The following FRMD3 variants were observed in gnomAD, a reference collection of about 807,000 sequenced individuals.
The protein encoded by FRMD3 is FERM domain containing 3, also known as FERM domain-containing protein 3.
A neutral mutation model predicts 70.2 loss-of-function variants in FRMD3; 33 were observed. The observed-to-expected ratio is 0.47, with a 90% confidence interval of 0.36 to 0.63. The LOEUF (loss-of-function observed/expected upper bound fraction) is 0.63. Ranked by LOEUF, FRMD3 falls within the 20% of genes least tolerant of loss-of-function variation. The pLI is 0.00. For synonymous variants in FRMD3, 279 were observed against 255.9 expected (o/e 1.09, Z -0.86); for missense variants, 632 against 711.4 (o/e 0.89, Z 1.27).
chr9:83,432,224 A>C (rs114102509), intron 1 of FRMD3, among the ~76,000 whole-genome samples: 1,823 of 152,304 alleles, frequency 0.012, 49 homozygotes, highest in African/African-American at 0.042. Flanking sequence ...GTATGATGAC[A>C]GGGAAGGATG....
chr9:83,413,918 T>C (rs1826350553), intron 1 of FRMD3, among the ~76,000 whole-genome samples: 2 of 152,208 alleles, frequency 1.3e-5, no homozygotes, highest in Non-Finnish European at 2.9e-5. Flanking sequence ...GTTATAAGAA[T>C]ACAAATAATT....
intron 2 of FRMD3, among the ~76,000 whole-genome samples, chr9:83,378,246 G>A (rs941395006): frequency 6.7e-6 from 1 of 149,764 alleles, no homozygotes; most frequent in African/African-American, 2.5e-5. Context: ...GAGTCTAACT[G>A]TGTCCTTCTT....
intron 1 of FRMD3, among the ~76,000 whole-genome samples, chr9:83,491,910 G>C (rs924486673): frequency 2.0e-5 from 3 of 152,228 alleles, no homozygotes; most frequent in Non-Finnish European, 2.9e-5. Flanking sequence ...AACAAGAAAT[G>C]AGAAGAGACA....
intron 6 of FRMD3, among the ~76,000 whole-genome samples, chr9:83,326,147 T>C (rs1836007125): frequency 6.6e-6 from 1 of 152,128 alleles, no homozygotes; most frequent in African/African-American, 2.4e-5. Context: ...AAAATGAAGG[T>C]GTTTCTGTAA....
intron 7 of FRMD3, 67 bp downstream of exon 7, chr9:83,313,593 C>A: frequency 1.6e-6 from 2 of 1,269,066 alleles, no homozygotes; most frequent in Non-Finnish European, 1.2e-6. Flanking sequence ...GCCAGGCCTG[C>A]GCACAGATAA....
Position 83,407,873 on chromosome 9 carries a change from CATCTT to C in FRMD3, c.148-18170_148-18166del, listed in dbSNP as rs373168583. Among the ~76,000 whole-genome samples, 400 of 91,686 alleles carry C rather than the reference CATCTT, an allele frequency of 4.4e-3. 6 individuals are homozygous for C. Among genetic ancestry groups the C allele is most frequent in the African/African-American group, 0.01 (162 of 15,988 alleles). 60.1% of individuals were successfully genotyped at this position (91,686 alleles called of 152,430 possible). A position where few individuals can be genotyped will look rare whatever the true frequency, so the allele number is the denominator to read the frequency against. On this transcript the variant is annotated intron_variant, in intron 1 of 13. Transcript: ENST00000304195. ...TCTCTCTCTCTCTCTCTCTCTCTCTCATCTTTCTCTCTCTCTCTCTCTCTCTCTCT... is the reference window on the plus strand; with the variant it reads ...TCTCTCTCTCTCTCTCTCTCTCTCTCTCTCTCTCTCTCTCTCTCTCTCTCT...
the FRMD3 span, among the ~76,000 whole-genome samples, chr9:83,577,751 A>T: frequency 6.6e-6 from 1 of 152,002 alleles, no homozygotes; most frequent in African/African-American, 2.4e-5. Context: ...AAGAAGAGAG[A>T]TCTCAAATAA....
the FRMD3 span, among the ~76,000 whole-genome samples, chr9:83,553,213 T>TGACC: frequency 1.3e-5 from 2 of 152,232 alleles, no homozygotes; most frequent in African/African-American, 4.8e-5. Flanking sequence ...AACGATCTTA[T>TGACC]TTTTCCTTCA....
chr9:83,243,214 G>C (rs1740098497), downstream of FRMD3: 1 of 1,550,234 alleles, frequency 6.5e-7, no homozygotes, highest in Admixed American at 2.0e-5. Context: ...ACTGCATGGA[G>C]ACTGGAAGCC....
chr9:83,256,525 C>A (rs898510943), intron 13 of FRMD3, among the ~76,000 whole-genome samples: 17 of 152,058 alleles, frequency 1.1e-4, no homozygotes, highest in African/African-American at 2.4e-5. Context: ...CAAATGGGAT[C>A]TAATTAAACT....
chr9:83,483,773 T>C (rs571819928), intron 1 of FRMD3, among the ~76,000 whole-genome samples: 7 of 152,168 alleles, frequency 4.6e-5, no homozygotes, highest in African/African-American at 1.7e-4. Context: ...GGTGGGAGGA[T>C]CACTTGAGCC....
rs1361904183 is a variant in FRMD3 at position 83,247,312 on chromosome 9, T to C, written c.*606A>G. 2.0e-6 allele frequency: 2 copies of C among 984,062 alleles called. No homozygotes were observed. Among genetic ancestry groups the C allele is most frequent in the Non-Finnish European group, 2.4e-6 (2 of 829,516 alleles). The allele number at this position is 984,062 out of a possible 1,614,324, so 61.0% of individuals were successfully genotyped here. The stretch of plus-strand genomic sequence containing the variant: ...TTAAAAACAAAGTAGCGCCAAAACA[T>C]TAAAAAAATTCTGATATACCTTTTG... On this transcript the variant is annotated 3_prime_UTR_variant, in exon 14 of 14. Coordinates refer to ENST00000304195, the MANE Select transcript of FRMD3 (RefSeq NM_174938.6).
the FRMD3 span, among the ~76,000 whole-genome samples, chr9:83,570,333 G>A: frequency 2.0e-5 from 3 of 152,194 alleles, no homozygotes; most frequent in Admixed American, 2.0e-4. Context: ...GGGGTGTTGG[G>A]AGTAAAGATG....
chr9:83,585,250 G>C, the FRMD3 span, among the ~76,000 whole-genome samples: 2 of 152,152 alleles, frequency 1.3e-5, no homozygotes, highest in African/African-American at 4.8e-5. Context: ...ACTCAGCCAG[G>C]AGGAACAAGG....
At chr9:83,559,075 T>C in the FRMD3 span, among the ~76,000 whole-genome samples, 1 of 152,216 alleles carries the variant, frequency 6.6e-6, no homozygotes, top group Non-Finnish European at 1.5e-5. Context: ...GAATGTTATA[T>C]AAAGTTAGCT....
intron 1 of FRMD3, among the ~76,000 whole-genome samples, chr9:83,466,382 T>C (rs1025657569): frequency 2.0e-5 from 3 of 152,210 alleles, no homozygotes; most frequent in Non-Finnish European, 4.4e-5. Context: ...GAAAACTGTT[T>C]TGTTTCAAAT....
intron 6 of FRMD3, among the ~76,000 whole-genome samples, chr9:83,314,304 A>C (rs750364039): frequency 1.3e-5 from 2 of 152,146 alleles, no homozygotes; most frequent in Non-Finnish European, 2.9e-5. Context: ...CCTCAGGGAG[A>C]AAAGGGCTGC....
At chr9:83,571,493 G>C in the FRMD3 span, among the ~76,000 whole-genome samples, 3 of 152,212 alleles carry the variant, frequency 2.0e-5, no homozygotes, top group African/African-American at 7.2e-5. Context: ...ACTGCAGGAA[G>C]AGCAAGCCTG....
In FRMD3 at chr9:83,485,670, C is replaced by T. The variant is rs1828671783; in HGVS notation, c.147+52415G>A. Among the ~76,000 whole-genome samples, 4 of 152,238 alleles carry T rather than the reference C, an allele frequency of 2.6e-5. No homozygotes were observed. The South Asian group carries it at 8.3e-4, about 32-fold the overall frequency. On this transcript the variant is annotated intron_variant, in intron 1 of 13. Coordinates refer to ENST00000304195, the MANE Select transcript of FRMD3 (RefSeq NM_174938.6). ...GTTTCCAGGATTCCCATGACCCAGA[C>T]ATGACTCAGGTCAACCAGAGAAGGG...
Sources: allele counts gnomAD v4.1 joint callset (sites outside exome capture counted in the v4.1 genomes callset), GRCh38; gene constraint gnomAD v4.1.1; transcripts MANE v1.5; gene names NCBI Gene and HGNC (gene_info 2026-07-23, HGNC 2026-07-21).